The following UBE2H variants were observed in gnomAD, a reference collection of about 807,000 sequenced individuals.
The protein encoded by UBE2H is ubiquitin-conjugating enzyme E2 H.
A neutral mutation model predicts 29.0 loss-of-function variants in UBE2H; 3 were observed. The observed-to-expected ratio is 0.10, with a 90% confidence interval of 0.05 to 0.27. UBE2H has a LOEUF of 0.27. Among genes scored for constraint, UBE2H ranks in the 10% least tolerant of loss-of-function variants. The pLI, the probability that UBE2H is intolerant of heterozygous loss-of-function variation, is 1.00. For missense variants in UBE2H, 68 were observed against 228.2 expected, an observed-to-expected ratio of 0.30 and a Z score of 4.52; for synonymous variants, 69 against 82.9, an observed-to-expected ratio of 0.83 and a Z score of 0.91.
intron 1 of UBE2H, among the ~76,000 whole-genome samples, chr7:129,892,533 T>C (rs1309713288): frequency 6.6e-6 from 1 of 152,208 alleles, no homozygotes; most frequent in East Asian, 1.9e-4. Context: ...ATTACAGGTA[T>C]GACCCACCGC....
chr7:129,833,902 G>C lies in UBE2H; in HGVS notation c.*1035C>G, dbSNP rs1456346940. ...ACCCAGGGCTTTGCAGTCACCACGT[G>C]GGTCGTCTTCTCAAGTCTAATGGTC... is the stretch of plus-strand genomic sequence containing the variant. On this transcript the variant is annotated 3_prime_UTR_variant, in exon 7 of 7. Transcript: ENST00000355621. The C allele has an allele frequency of 6.6e-6, 1 of 152,124 alleles. No homozygotes were observed. Among genetic ancestry groups the C allele is most frequent in the South Asian group, 2.1e-4 (1 of 4,820 alleles). 9.4% of individuals were successfully genotyped at this position (152,124 alleles called of 1,614,324 possible). A position where few individuals can be genotyped will look rare whatever the true frequency, so the allele number is the denominator to read the frequency against.
At chr7:129,861,822 T>C (rs1411576563) in intron 3 of UBE2H, among the ~76,000 whole-genome samples, 2 of 151,688 alleles carry the variant, frequency 1.3e-5, no homozygotes, top group East Asian at 1.9e-4. Context: ...ACCTGGGAGG[T>C]GGCTGCAGTG....
chr7:129,845,621 T>C (rs547148284), intron 5 of UBE2H, among the ~76,000 whole-genome samples: 1 of 152,340 alleles, frequency 6.6e-6, no homozygotes, highest in Non-Finnish European at 1.5e-5. Flanking sequence ...GAATGGGTAT[T>C]AGAGGATGGT....
chr7:129,926,907 T>C (rs1807281800), intron 1 of UBE2H, among the ~76,000 whole-genome samples: 1 of 152,214 alleles, frequency 6.6e-6, no homozygotes, highest in Non-Finnish European at 1.5e-5. Flanking sequence ...AGTACATATG[T>C]ACTTAACAGT....
At chr7:129,909,144 T>C (rs941728239) in intron 1 of UBE2H, among the ~76,000 whole-genome samples, 5 of 152,160 alleles carry the variant, frequency 3.3e-5, no homozygotes, top group African/African-American at 1.2e-4. Context: ...CTGGAGCCCC[T>C]CTCTCTCAGA....
chr7:129,848,163 C>A (rs571477130), intron 5 of UBE2H, among the ~76,000 whole-genome samples: 9 of 152,192 alleles, frequency 5.9e-5, no homozygotes, highest in Non-Finnish European at 1.0e-4. Flanking sequence ...GTGGAGGCTG[C>A]GGTAAGCCAA....
chr7:129,884,436 T>G (rs1806318022), intron 1 of UBE2H, among the ~76,000 whole-genome samples: 1 of 151,730 alleles, frequency 6.6e-6, no homozygotes, highest in Non-Finnish European at 1.5e-5. Flanking sequence ...AAAAAAAAAT[T>G]TCTCTACTTT....
At chr7:129,909,448 G>A (rs1014628558) in intron 1 of UBE2H, among the ~76,000 whole-genome samples, 3 of 152,240 alleles carry the variant, frequency 2.0e-5, no homozygotes, top group Middle Eastern at 3.4e-3. Context: ...ACAAGGGGAC[G>A]GTTCAGAGCC....
intron 1 of UBE2H, among the ~76,000 whole-genome samples, chr7:129,904,915 T>C (rs1806785325): frequency 6.6e-6 from 1 of 152,056 alleles, no homozygotes; most frequent in Admixed American, 6.6e-5. Flanking sequence ...GCCAAAGGTG[T>C]TTTCAAGAGG....
chr7:129,836,876 T>C (rs1185783729), intron 6 of UBE2H, among the ~76,000 whole-genome samples: 7 of 38,610 alleles, frequency 1.8e-4, no homozygotes, highest in Non-Finnish European at 5.3e-5. Flanking sequence ...CAAGACTCCG[T>C]CTCAAAAAAA....
chr7:129,894,781 G>A (rs1037869422), intron 1 of UBE2H, among the ~76,000 whole-genome samples: 6 of 151,402 alleles, frequency 4.0e-5, no homozygotes, highest in Non-Finnish European at 7.4e-5. Flanking sequence ...GAGCCACCGC[G>A]CCCGGCCCAT....
intron 3 of UBE2H, among the ~76,000 whole-genome samples, chr7:129,878,602 G>A (rs1274771751): frequency 2.1e-5 from 3 of 145,376 alleles, no homozygotes; most frequent in Non-Finnish European, 4.5e-5. Flanking sequence ...AGAATGGCGT[G>A]AACCCAGGAG....
At chr7:129,843,754 GA>G (rs1269646154) in intron 5 of UBE2H, among the ~76,000 whole-genome samples, 1 of 152,036 alleles carries the variant, frequency 6.6e-6, no homozygotes, top group Non-Finnish European at 1.5e-5. Flanking sequence ...TCCACCGCAG[GA>G]GGTAACCCGC....
At chr7:129,850,379 AATTAG>A (rs928395189) in intron 5 of UBE2H, among the ~76,000 whole-genome samples, 1 of 152,106 alleles carries the variant, frequency 6.6e-6, no homozygotes, top group Non-Finnish European at 1.5e-5. Flanking sequence ...AAAAAATAAC[AATTAG>A]TAGGAATTCA....
intron 1 of UBE2H, among the ~76,000 whole-genome samples, chr7:129,907,362 A>C (rs904878491): frequency 2.8e-4 from 43 of 151,896 alleles, no homozygotes; most frequent in African/African-American, 9.0e-4. Context: ...GCCAGACTTT[A>C]AGGAAAGGCC....
At chr7:129,852,443 G>A (rs1207789866) in intron 5 of UBE2H, among the ~76,000 whole-genome samples, 2 of 151,816 alleles carry the variant, frequency 1.3e-5, no homozygotes, top group Admixed American at 6.6e-5. Flanking sequence ...CTCCAGCCTG[G>A]GCGACAGAGC....
rs1805270552 is a variant in UBE2H, at chr7:129,833,652, C to CT, written c.*1284dup. 6.6e-6 allele frequency: 1 copy of CT among 152,194 alleles called. No individual in the cohort carries two copies. The highest frequency in any genetic ancestry group is 1.5e-5 in the Non-Finnish European group (1 of 68,042). 9.4% of individuals were successfully genotyped at this position (152,194 alleles called of 1,614,324 possible). A position where few individuals can be genotyped will look rare whatever the true frequency, so the allele number is the denominator to read the frequency against. ...TCTACTACATCATATTTCTGAATCC[C>CT]TTCTTCCTATTCGGTCACTCTCTGA... On this transcript the variant is annotated 3_prime_UTR_variant, in exon 7 of 7. Coordinates refer to ENST00000355621, the MANE Select transcript of UBE2H (RefSeq NM_003344.4).
At chr7:129,842,998 T>A (rs1805453362) in intron 5 of UBE2H, among the ~76,000 whole-genome samples, 1 of 132,762 alleles carries the variant, frequency 7.5e-6, no homozygotes, top group African/African-American at 2.9e-5. Context: ...TTAACAGTAA[T>A]TTTTTTTTTT....
chr7:129,931,871 T>G (rs1029374746), intron 1 of UBE2H, among the ~76,000 whole-genome samples: 3 of 149,200 alleles, frequency 2.0e-5, no homozygotes, highest in Non-Finnish European at 4.4e-5. Flanking sequence ...AGTCCAGCTC[T>G]GTCACCCAGG....
Sources: gnomAD v4.1 joint callset for allele counts (sites outside exome capture counted in the v4.1 genomes callset) on GRCh38, gnomAD v4.1.1 for gene constraint, MANE v1.5 for transcripts, NCBI Gene and HGNC (gene_info 2026-07-23, HGNC 2026-07-21) for gene names.